Variants in SLC23A2 observed in about 807,000 individuals in gnomAD.
SLC23A2 encodes the protein solute carrier family 23 member 2.
A neutral mutation model predicts 73.3 loss-of-function variants in SLC23A2; 36 were observed. The observed-to-expected ratio is 0.49, with a 90% CI of 0.38 to 0.65. The LOEUF is 0.65. SLC23A2 is among the 30% of genes least tolerant of loss of function. The probability of loss-of-function intolerance (pLI) is 0.00; values close to 1 mark genes in which losing one functional copy is unlikely to be tolerated. For missense variants in SLC23A2, 507 were observed against 841.6 expected (o/e 0.60, Z 4.92); for synonymous variants, 343 against 327.3 (o/e 1.05, Z -0.52).
intron 13 of SLC23A2, among the ~76,000 whole-genome samples, chr20:4,865,203 T>C (rs1010675606): frequency 6.6e-6 from 1 of 152,190 alleles, no homozygotes; most frequent in Non-Finnish European, 1.5e-5. Context: ...TTTCTGGATT[T>C]ACAAAGTCTT....
rs547788504 is a variant in SLC23A2, at chr20:4,922,272, G to A, written c.109-9294C>T. 2.0e-4 allele frequency among the ~76,000 whole-genome samples: 31 copies of A among 152,228 alleles called. 1 individual carries two copies. In the South Asian group the frequency reaches 6.4e-3, roughly 32 times the overall value. On this transcript the variant is annotated intron_variant, in intron 3 of 16. Coordinates refer to ENST00000338244, the MANE Select transcript of SLC23A2 (RefSeq NM_005116.6). ...AGGCACAGGCAGGAATAGCAATCAG[G>A]GGTCAGAAGAGACCAAGGCTGTGGG...
Position 4,883,879 on chromosome 20 carries a change from A to T in SLC23A2, c.643-56T>A. ...TGAGCTGCTTGTACACTGCACACTC[A>T]GAATGTCACCTACAACCACAACTGA... On this transcript the variant is annotated intron_variant, in intron 8 of 16. Coordinates refer to ENST00000338244, the MANE Select transcript of SLC23A2 (RefSeq NM_005116.6). This position sits in a 1 kb window ranked among gnomAD's most constrained non-coding sequence, Gnocchi z 4.5. 1 of 1,204,184 alleles carries T rather than the reference A, an allele frequency of 8.3e-7. No individual in the cohort carries two copies. The highest frequency in any genetic ancestry group is 1.2e-6 in the Non-Finnish European group (1 of 860,064). The allele number at this position is 1,204,184 out of a possible 1,614,324, so 74.6% of individuals were successfully genotyped here. A position where few individuals can be genotyped will look rare whatever the true frequency, so the allele number is the denominator to read the frequency against.
intron 3 of SLC23A2, among the ~76,000 whole-genome samples, chr20:4,916,140 A>T (rs1181424296): frequency 6.6e-6 from 1 of 152,138 alleles, no homozygotes; most frequent in Non-Finnish European, 1.5e-5. Context: ...ACCTATAAAA[A>T]CTGGCTGCTG....
rs1399243624 is a variant in SLC23A2, at chr20:4,856,425, G to A, written c.*547C>T. The A allele has an allele frequency of 6.5e-6, 1 of 153,314 alleles. No homozygotes were observed. The highest frequency in any genetic ancestry group is 1.5e-5 in the Non-Finnish European group (1 of 68,924). The allele number at this position is 153,314 out of a possible 1,614,324, so 9.5% of individuals were successfully genotyped here. A position where few individuals can be genotyped will look rare whatever the true frequency, so the allele number is the denominator to read the frequency against. On this transcript the variant is annotated 3_prime_UTR_variant, in exon 17 of 17. Transcript: ENST00000338244. This position sits in a 1 kb window ranked among gnomAD's most constrained non-coding sequence, Gnocchi z 4.6. ...CTGGGCACAGGGGAGCCACGCCACT[G>A]TTTTCAGGTCAACAGCCTCCTCCTC... is the stretch of plus-strand genomic sequence containing the variant.
Position 4,871,447 on chromosome 20 carries a change from C to T in SLC23A2, c.1103-1394G>A, listed in dbSNP as rs564067087. Among the ~76,000 whole-genome samples the T allele has an allele frequency of 5.3e-5, 8 of 152,064 alleles. No individual in the cohort carries two copies. In the East Asian group the frequency reaches 1.2e-3, roughly 22 times the overall value. ...TGGGGTTTGAGGGTGTTCTGGTGAA[C>T]GCAGAGCTCTCATGCAGGGCACAGG... On this transcript the variant is annotated intron_variant, in intron 11 of 16. Transcript: ENST00000338244.
chr20:5,002,611 C>T (rs2088143176), upstream of SLC23A2, among the ~76,000 whole-genome samples: 1 of 152,290 alleles, frequency 6.6e-6, no homozygotes, highest in East Asian at 1.9e-4. Context: ...TGACATCACA[C>T]ATATTAATGC....
intron 3 of SLC23A2, among the ~76,000 whole-genome samples, chr20:4,917,259 G>A (rs1399436886): frequency 6.6e-6 from 1 of 152,188 alleles, no homozygotes; most frequent in Non-Finnish European, 1.5e-5. Flanking sequence ...TGGGGTAAAG[G>A]AATGACCCTT....
chr20:4,910,543 G>T (rs1049951161), intron 4 of SLC23A2, among the ~76,000 whole-genome samples: 8 of 152,108 alleles, frequency 5.3e-5, no homozygotes, highest in African/African-American at 1.9e-4. Flanking sequence ...TGATTCTCCT[G>T]CCTCAGCCTC....
chr20:4,905,475 T>C (rs1225970049), intron 4 of SLC23A2, among the ~76,000 whole-genome samples: 1 of 152,214 alleles, frequency 6.6e-6, no homozygotes, highest in Non-Finnish European at 1.5e-5. Flanking sequence ...TAATAAGGTT[T>C]CTGTAAAAGA....
intron 1 of SLC23A2, among the ~76,000 whole-genome samples, chr20:5,001,164 G>A (rs1479078702): frequency 6.6e-6 from 1 of 151,428 alleles, no homozygotes; most frequent in Non-Finnish European, 1.5e-5. Flanking sequence ...GGCCCGGCCG[G>A]CAGAACGGCA....
At chr20:4,871,990 ATCTATATC>A (rs942825484) in intron 11 of SLC23A2, among the ~76,000 whole-genome samples, 1 of 151,826 alleles carries the variant, frequency 6.6e-6, no homozygotes, top group African/African-American at 2.4e-5. Flanking sequence ...ATATCTATAT[ATCTATATC>A]TATATTTTTT....
chr20:4,884,674 T>G, intron 8 of SLC23A2, 79 bp downstream of exon 8: 1 of 888,996 alleles, frequency 1.1e-6, no homozygotes. Context: ...TAAAAGTAAC[T>G]GCTATTTCTT....
chr20:4,856,172 C>A lies in SLC23A2; in HGVS notation c.*800G>T, dbSNP rs1012191871. The A allele has an allele frequency of 6.6e-6, 1 of 152,230 alleles. No individual in the cohort carries two copies. The highest frequency in any genetic ancestry group is 6.5e-5 in the Admixed American group (1 of 15,288). The allele number at this position is 152,230 out of a possible 1,614,324, so 9.4% of individuals were successfully genotyped here. A position where few individuals can be genotyped will look rare whatever the true frequency, so the allele number is the denominator to read the frequency against. On this transcript the variant is annotated 3_prime_UTR_variant, in exon 17 of 17. Transcript: ENST00000338244. This position sits in a 1 kb window ranked among gnomAD's most constrained non-coding sequence, Gnocchi z 4.6. ...TGTGACTGGTGCCTTGGGTGGCACTCTATACTCATCACACCGGCCAACAGT... is the reference window on the plus strand; with the variant it reads ...TGTGACTGGTGCCTTGGGTGGCACTATATACTCATCACACCGGCCAACAGT...
intron 13 of SLC23A2, among the ~76,000 whole-genome samples, chr20:4,867,282 G>A (rs1357423562): frequency 1.3e-5 from 2 of 151,998 alleles, no homozygotes; most frequent in Admixed American, 1.3e-4. Flanking sequence ...GGCCTGGAAC[G>A]CTCTCCCCCA....
intron 3 of SLC23A2, among the ~76,000 whole-genome samples, chr20:4,927,962 GTCT>G (rs1389256787): frequency 1.7e-4 from 26 of 152,102 alleles, no homozygotes; most frequent in African/African-American, 4.6e-4. Context: ...ATTCAAAATG[GTCT>G]TCTACTTTAA....
At position 4,875,694 on chromosome 20, in the gene SLC23A2, G is replaced by A. The variant is rs572096391; in HGVS notation, c.825-998C>T. On this transcript the variant is annotated intron_variant, in intron 9 of 16. Transcript: ENST00000338244. ...CTGGTGTCCCACGGGGCTGGCAGGT[G>A]TGGGGCCACTTCCCATCCCCCAGGT... 1.9e-3 allele frequency among the ~76,000 whole-genome samples: 291 copies of A among 152,298 alleles called. 1 individual carries two copies. Among genetic ancestry groups the A allele is most frequent in the African/African-American group, 6.5e-3 (269 of 41,558 alleles).
chr20:4,925,640 G>C (rs537577051), intron 3 of SLC23A2, among the ~76,000 whole-genome samples: 15 of 151,934 alleles, frequency 9.9e-5, no homozygotes, highest in African/African-American at 3.6e-4. Context: ...GGCACCCACC[G>C]CAGGAATTTC....
chr20:4,964,864 G>A lies in SLC23A2; in HGVS notation c.-155+5929C>T, dbSNP rs557579193. On this transcript the variant is annotated intron_variant, in intron 2 of 16. Transcript: ENST00000338244. ...AAAAAAAAGAAGAAAAGAAAAAAAG[G>A]AAGGAAGAGAAGAGTAGAAGAGAAG... 3.9e-3 allele frequency among the ~76,000 whole-genome samples: 577 copies of A among 146,834 alleles called. 12 individuals carry two copies. In the South Asian group the frequency reaches 0.076, roughly 19 times the overall value.
chr20:4,915,907 C>T (rs1217733995), intron 3 of SLC23A2, among the ~76,000 whole-genome samples: 3 of 152,128 alleles, frequency 2.0e-5, no homozygotes, highest in Non-Finnish European at 4.4e-5. Context: ...GAGATTGTGC[C>T]ACTGTACTCC....
Sources: gnomAD v4.1 joint callset for allele counts (sites outside exome capture counted in the v4.1 genomes callset) on GRCh38, gnomAD v4.1.1 for gene constraint, Gnocchi (gnomAD v3.1) non-coding constraint, MANE v1.5 for transcripts, NCBI Gene and HGNC (gene_info 2026-07-23, HGNC 2026-07-21) for gene names.